SCNN1A: variants seen among roughly 807,000 people sequenced by gnomAD.
SCNN1A encodes the protein sodium channel epithelial 1 subunit alpha.
A neutral mutation model predicts 68.6 loss-of-function variants in SCNN1A; 65 were observed. The ratio of observed to expected loss-of-function variants is 0.95; its 90% CI spans 0.78 to 1.16. The LOEUF (loss-of-function observed/expected upper bound fraction) is 1.16. Ranked by LOEUF, SCNN1A falls within the 50% of genes most tolerant of loss-of-function variation. The pLI is 0.00. For synonymous variants in SCNN1A, 357 were observed against 353.3 expected, an observed-to-expected ratio of 1.01 and a Z score of -0.12; for missense variants, 880 against 865.9, an observed-to-expected ratio of 1.02 and a Z score of -0.20.
In SCNN1A at chr12:6,374,978, C is replaced by T. The variant is rs1455403689; in HGVS notation, c.-54-141G>A. ...ATGCCCATGTCCCACCCTGCGCCCA[C>T]ATTCTCCCACTCCTCCCTCCCTCCT... On this transcript the variant is annotated intron_variant, in intron 1 of 12. Coordinates refer to ENST00000228916, the MANE Select transcript of SCNN1A (RefSeq NM_001038.6). The surrounding 1 kb of genome is among the most constrained non-coding windows in gnomAD (Gnocchi z 6.2). The T allele has an allele frequency of 6.4e-7, 1 of 1,555,714 alleles. No homozygotes were observed. The highest frequency in any genetic ancestry group is 2.4e-5 in the East Asian group (1 of 41,228).
At chr12:6,370,319 C>T (rs1948766931) in intron 2 of SCNN1A, among the ~76,000 whole-genome samples, 1 of 152,234 alleles carries the variant, frequency 6.6e-6, no homozygotes, top group Admixed American at 6.5e-5. Context: ...GTCTGCCTCC[C>T]AGCTCTGAAG....
At chr12:6,375,039 G>T (rs1948878426) in intron 1 of SCNN1A, 5 of 1,538,348 alleles carry the variant, frequency 3.3e-6, no homozygotes, top group Middle Eastern at 1.8e-4. Flanking sequence ...TGCGGGAGTT[G>T]GGGCCAAAAG....
chr12:6,363,712 T>G lies in SCNN1A; in HGVS notation c.417-2A>C, dbSNP rs1171673317. 6.3e-7 allele frequency: 1 copy of G among 1,592,206 alleles called. No homozygotes were observed. Among genetic ancestry groups the G allele is most frequent in the Admixed American group, 1.7e-5 (1 of 57,886 alleles). On this transcript the variant is annotated splice_acceptor_variant, in intron 2 of 12. Coordinates refer to ENST00000228916, the MANE Select transcript of SCNN1A (RefSeq NM_001038.6). LOFTEE classifies it high-confidence loss of function. Reference sequence around the variant, plus strand: ...AGCTCCTCTTTAATTTCCGGGTACCTGAAGGGGCGAGGGGAAGAGGGTCAG... The same window carrying G: ...AGCTCCTCTTTAATTTCCGGGTACCGGAAGGGGCGAGGGGAAGAGGGTCAG...
Position 6,362,067 on chromosome 12 carries a change from C to G in SCNN1A, c.859G>C (p.Val287Leu), listed in dbSNP as rs1948589403. 1 of 1,614,120 alleles carries G rather than the reference C, an allele frequency of 6.2e-7. No individual in the cohort carries two copies. Among genetic ancestry groups the G allele is most frequent in the Non-Finnish European group, 8.5e-7 (1 of 1,180,052 alleles). ...NFIFACRFNQ[V>L]SCNQANYSHF... ...CTGACTCACGCCTGGTTGCAGGAGA[C>G]CTGGTTGAAGCGGCAGGCGAAGATG... The change falls in exon 4 of 13, where the codon GTC (valine) becomes CTC (leucine). Residue 287 changes from valine to leucine, a missense_variant. This residue lies in a region of SCNN1A where 758 missense variants were observed against 721.8 expected (regional missense o/e 1.05). Coordinates refer to ENST00000228916, the MANE Select transcript of SCNN1A (RefSeq NM_001038.6).
intron 8 of SCNN1A, among the ~76,000 whole-genome samples, chr12:6,353,026 G>C (rs528203998): frequency 6.6e-6 from 1 of 152,220 alleles, no homozygotes; most frequent in East Asian, 1.9e-4. Flanking sequence ...TGCCAGGGAA[G>C]AGCATGAACT....
At chr12:6,367,490 A>G (rs1447354399) in intron 2 of SCNN1A, among the ~76,000 whole-genome samples, 1 of 152,256 alleles carries the variant, frequency 6.6e-6, no homozygotes, top group Non-Finnish European at 1.5e-5. Context: ...GAAGAATTCC[A>G]GAAACATTAA....
chr12:6,363,310 C>T, intron 3 of SCNN1A, 133 bp downstream of exon 3: 1 of 625,486 alleles, frequency 1.6e-6, no homozygotes, highest in Non-Finnish European at 2.5e-6. Context: ...TTTTTTTTGC[C>T]CGCGAGCCCA....
chr12:6,364,199 A>AT (rs1393791409), intron 2 of SCNN1A: 1 of 152,858 alleles, frequency 6.5e-6, no homozygotes, highest in African/African-American at 2.4e-5. Flanking sequence ...CTCCAACTCT[A>AT]AAAATACAGG....
chr12:6,371,326 T>C (rs1948785904), intron 2 of SCNN1A, among the ~76,000 whole-genome samples: 1 of 151,938 alleles, frequency 6.6e-6, no homozygotes, highest in South Asian at 2.1e-4. Flanking sequence ...GATCCCTCCC[T>C]CCTGCACGCC....
chr12:6,368,327 A>AC (rs927116871), intron 2 of SCNN1A, among the ~76,000 whole-genome samples: 1 of 152,094 alleles, frequency 6.6e-6, no homozygotes, highest in African/African-American at 2.4e-5. Flanking sequence ...GTACAGAAAC[A>AC]CCCGGATTGG....
intron 10 of SCNN1A, 43 bp from the exon 11 acceptor site, chr12:6,349,048 T>C (rs754335908): frequency 7.5e-6 from 12 of 1,610,722 alleles, no homozygotes; most frequent in Non-Finnish European, 1.0e-5. Context: ...TCCCATATGC[T>C]TCAGGCTTAC....
intron 4 of SCNN1A, among the ~76,000 whole-genome samples, chr12:6,360,231 G>T (rs916348137): frequency 2.0e-5 from 3 of 152,204 alleles, no homozygotes; most frequent in African/African-American, 7.2e-5. Context: ...GGAGTGGTGG[G>T]TATAACAACC....
At chr12:6,348,637 C>T (rs1051883110) in intron 12 of SCNN1A, 90 bp downstream of exon 12, 13 of 1,144,460 alleles carry the variant, frequency 1.1e-5, no homozygotes, top group African/African-American at 9.2e-5. Flanking sequence ...GCCTTCTGGC[C>T]CACAGAGACA....
chr12:6,357,002 C>T (rs1948508244), intron 4 of SCNN1A, among the ~76,000 whole-genome samples: 1 of 152,084 alleles, frequency 6.6e-6, no homozygotes, highest in Non-Finnish European at 1.5e-5. Context: ...CTAGGTGATC[C>T]GGGATATTCC....
At position 6,372,674 on chromosome 12, in the gene SCNN1A, G is replaced by A. The variant is rs879426571; in HGVS notation, c.416+1694C>T. Among the ~76,000 whole-genome samples, 8 of 152,282 alleles carry A rather than the reference G, an allele frequency of 5.3e-5. No homozygotes were observed. Among genetic ancestry groups the A allele is most frequent in the Non-Finnish European group, 1.2e-4 (8 of 68,030 alleles). On this transcript the variant is annotated intron_variant, in intron 2 of 12. Coordinates refer to ENST00000228916, the MANE Select transcript of SCNN1A (RefSeq NM_001038.6). The surrounding 1 kb of genome is among the most constrained non-coding windows in gnomAD (Gnocchi z 5.8). ...CACAAATATTTATTGAGTGCCCACT[G>A]CCCCGCCTGCTGTCCTTCCCCTTCC... is the stretch of plus-strand genomic sequence containing the variant.
At chr12:6,354,692 C>G in intron 7 of SCNN1A, 58 bp downstream of exon 7, 1 of 1,506,312 alleles carries the variant, frequency 6.6e-7, no homozygotes, top group African/African-American at 1.4e-5. Flanking sequence ...TCCAGCTTTG[C>G]AGGGCCAGCC....
chr12:6,354,950 T>A, intron 6 of SCNN1A, 102 bp from the exon 7 acceptor site: 1 of 989,350 alleles, frequency 1.0e-6, no homozygotes. Context: ...TGCCAGCCCC[T>A]CCTACTGGCC....
intron 4 of SCNN1A, among the ~76,000 whole-genome samples, chr12:6,359,617 C>T (rs938718877): frequency 6.6e-6 from 1 of 152,204 alleles, no homozygotes; most frequent in South Asian, 2.1e-4. Flanking sequence ...TCTCTCTTGC[C>T]CCCTCTCCTC....
At position 6,355,298 on chromosome 12, in the gene SCNN1A, C is replaced by T. The variant is rs368471914; in HGVS notation, c.1117G>A (p.Val373Met). 5.0e-6 allele frequency: 8 copies of T among 1,613,424 alleles called. No individual in the cohort carries two copies. Among genetic ancestry groups the T allele is most frequent in the African/African-American group, 4.0e-5 (3 of 75,036 alleles). The change falls in exon 6 of 13, where the codon GTG becomes ATG. Residue 373 changes from valine (V) to methionine (M), a missense_variant. Val to Met is a conservative substitution (Grantham distance 21, BLOSUM62 1). This residue lies in a region of SCNN1A where 758 missense variants were observed against 721.8 expected (regional missense o/e 1.05). Transcript: ENST00000228916. ...TTCCTCATGCTGATGGAGGTCTCCA[C>T]GCCAGGCCGCAAGTTAAAGCCACCA... Reference protein sequence around the residue: ...DDGGFNLRPGVETSISMRKET... With the variant: ...DDGGFNLRPGMETSISMRKET...
Sources: gnomAD v4.1 joint callset for allele counts (sites outside exome capture counted in the v4.1 genomes callset) on GRCh38, gnomAD v4.1.1 for gene constraint, gnomAD v4.1.1 regional missense constraint, Gnocchi (gnomAD v3.1) non-coding constraint, MANE v1.5 for transcripts, NCBI Gene and HGNC (gene_info 2026-07-23, HGNC 2026-07-21) for gene names.